SSC5D: variants seen among roughly 807,000 people sequenced by gnomAD.
The protein encoded by SSC5D is soluble scavenger receptor cysteine-rich domain-containing protein SSC5D.
Under a neutral mutation model 104.6 loss-of-function variants are expected in SSC5D, and 106 were observed. The ratio of observed to expected loss-of-function variants is 1.01; its 90% CI spans 0.87 to 1.19. SSC5D has a LOEUF of 1.19. Among genes scored for constraint, SSC5D ranks in the 50% most tolerant of loss-of-function variants. The pLI is 0.00. For missense variants in SSC5D, 1,993 were observed against 2,153.8 expected (o/e 0.93, Z 1.48); for synonymous variants, 860 against 883.5 (o/e 0.97, Z 0.47).
chr19:55,512,257 A>G (rs594394), intron 12 of SSC5D, among the ~76,000 whole-genome samples: 147,228 of 148,196 alleles, frequency 0.99, 73,171 homozygotes, highest in Non-Finnish European at 1. Context: ...CTAGGACTGA[A>G]TTATCATTCT....
intron 12 of SSC5D, chr19:55,504,300 G>T: frequency 6.9e-7 from 1 of 1,445,634 alleles, no homozygotes; most frequent in Non-Finnish European, 9.1e-7. Flanking sequence ...CCAATGAGCA[G>T]AAATAAATGC....
chr19:55,517,433 G>C lies in SSC5D; in HGVS notation c.3157G>C (p.Asp1053His), dbSNP rs376114424. The change falls in exon 14 of 14, where the codon GAC (aspartate) becomes CAC (histidine). Residue 1053 changes from aspartate (D) to histidine (H), a missense_variant. Coordinates refer to ENST00000389623, the MANE Select transcript of SSC5D (RefSeq NM_001144950.2). Reference protein sequence around the residue: ...DAPDTSPPTPDPASRTNPDLI... With the variant: ...DAPDTSPPTPHPASRTNPDLI... The stretch of plus-strand genomic sequence containing the variant: ...TCCGGACACTTCACCACCCACCCCA[G>C]ACCCGGCCTCCCGGACGAACCCCGA... The C allele has an allele frequency of 1.2e-5, 18 of 1,550,886 alleles. No homozygotes were observed. In the African/African-American group the frequency reaches 2.5e-4, roughly 21 times the overall value.
chr19:55,489,525 TC>T lies in SSC5D; in HGVS notation c.225del (p.Phe75LeufsTer73). ...GALAAPGGAF[F>X]GEGAGPVWLS... is the part of the protein sequence containing the mutation. ...CTGGCCGCCCCGGGAGGCGCCTTCT[TC>T]GGGGAGGGGGCAGGGCCTGTGTGGC... is the stretch of plus-strand genomic sequence containing the variant. On this transcript the variant is annotated frameshift_variant, in exon 3 of 14. Transcript: ENST00000389623. LOFTEE classifies it high-confidence loss of function. The T allele has an allele frequency of 6.8e-7, 1 of 1,468,530 alleles. No homozygotes were observed. The highest frequency in any genetic ancestry group is 9.0e-7 in the Non-Finnish European group (1 of 1,116,936). The allele number at this position is 1,468,530 out of a possible 1,614,324, so 91.0% of individuals were successfully genotyped here.
At chr19:55,497,543 G>A (rs935023023) in intron 8 of SSC5D, among the ~76,000 whole-genome samples, 10 of 152,190 alleles carry the variant, frequency 6.6e-5, no homozygotes, top group Admixed American at 6.5e-5. Context: ...GTGCTGCTAT[G>A]AACATTCACA....
chr19:55,507,382 T>C (rs1161545489), intron 12 of SSC5D, among the ~76,000 whole-genome samples: 1 of 148,262 alleles, frequency 6.7e-6, no homozygotes, highest in African/African-American at 2.5e-5. Context: ...AGAGACATTT[T>C]ACGGGCCGGG....
chr19:55,490,746 C>T, intron 5 of SSC5D, 26 bp from the exon 6 acceptor site: 1 of 1,461,478 alleles, frequency 6.8e-7, no homozygotes, highest in Non-Finnish European at 9.0e-7. Flanking sequence ...ACTGGCCACA[C>T]CGTCCCCTCC....
At position 55,493,730 on chromosome 19, in the gene SSC5D, AGCTGGGCTGCGGAGG is replaced by A; in HGVS notation, c.1033_1047del (p.Leu345_Gly349del). 1.3e-6 allele frequency: 2 copies of A among 1,521,392 alleles called. No homozygotes were observed. Among genetic ancestry groups the A allele is most frequent in the Non-Finnish European group, 1.8e-6 (2 of 1,136,924 alleles). 94.2% of individuals were successfully genotyped at this position (1,521,392 alleles called of 1,614,324 possible). On this transcript the variant is annotated inframe_deletion, in exon 7 of 14. Transcript: ENST00000389623. Reference sequence around the variant, plus strand: ...CGAGACGCCGCTGTGGCCTGCCGAGAGCTGGGCTGCGGAGGGGCGCTGGCCGCCCCCGGGGGCGCC... The same window carrying A: ...CGAGACGCCGCTGTGGCCTGCCGAGAGGCGCTGGCCGCCCCCGGGGGCGCC...
At chr19:55,493,959 T>G (rs190182994) in intron 7 of SSC5D, 47 bp downstream of exon 7, 4 of 317,548 alleles carry the variant, frequency 1.3e-5, no homozygotes, top group Non-Finnish European at 1.3e-5. Context: ...TGGTGGTGCT[T>G]GGAGCGGAGG....
In SSC5D at chr19:55,500,777, G is replaced by C; in HGVS notation, c.2590G>C (p.Glu864Gln). 6.4e-7 allele frequency: 1 copy of C among 1,550,796 alleles called. No individual in the cohort carries two copies. Among genetic ancestry groups the C allele is most frequent in the Non-Finnish European group, 8.7e-7 (1 of 1,146,332 alleles). Residue 864 changes from glutamate to glutamine, a missense_variant, in exon 11 of 14, where the codon GAG becomes CAG. Coordinates refer to ENST00000389623, the MANE Select transcript of SSC5D (RefSeq NM_001144950.2). The surrounding 1 kb of genome is among the most constrained non-coding windows in gnomAD (Gnocchi z 4.6). Reference sequence around the variant, plus strand: ...TTGGGGGAAGCACAACTGTGACCACGAGGAAGACGTGGGGCTCACCTGCAC... The same window carrying C: ...TTGGGGGAAGCACAACTGTGACCACCAGGAAGACGTGGGGCTCACCTGCAC... The part of the protein sequence containing the change: ...GAWGKHNCDH[E>Q]EDVGLTCTGY...
Position 55,489,945 on chromosome 19 carries a change from G to A in SSC5D, c.425G>A (p.Gly142Glu), listed in dbSNP as rs1437042236. ...CCCCTGGATGGGGCTCCCTGGCCAG[G>A]GCTGTTGCTGGAGCTGAGCCCCAGC... ...TSPLDGAPWP[G>E]LLLELSPSTE... Residue 142 changes from glycine (G) to glutamate (E), a missense_variant, in exon 4 of 14, where the codon GGG (glycine) becomes GAG (glutamate). Transcript: ENST00000389623. 2 of 1,549,788 alleles carry A rather than the reference G, an allele frequency of 1.3e-6. No individual in the cohort carries two copies. Among genetic ancestry groups the A allele is most frequent in the African/African-American group, 2.7e-5 (2 of 72,840 alleles).
Position 55,500,080 on chromosome 19 carries a change from C to G in SSC5D, c.1970C>G (p.Pro657Arg). The G allele has an allele frequency of 6.4e-7, 1 of 1,551,600 alleles. No individual in the cohort carries two copies. ...PTTKHSRAQS[P>R]PDLTSQTTAA... Reference sequence around the variant, plus strand: ...ACGAAACACTCCAGGGCCCAAAGCCCCCCAGACCTAACCTCACAGACCACT... The same window carrying G: ...ACGAAACACTCCAGGGCCCAAAGCCGCCCAGACCTAACCTCACAGACCACT... The change falls in exon 10 of 14, where the codon CCC becomes CGC. Residue 657 changes from proline to arginine, a missense_variant. Pro to Arg is a moderately radical substitution (Grantham distance 103). Around this residue, in one of 6 missense-constraint regions of SSC5D, gnomAD observed 1,101 missense variants for 1,085.0 expected, o/e 1.01. Transcript: ENST00000389623. This position sits in a 1 kb window ranked among gnomAD's most constrained non-coding sequence, Gnocchi z 4.6.
intron 12 of SSC5D, among the ~76,000 whole-genome samples, chr19:55,511,576 C>T (rs1029130848): frequency 7.2e-5 from 11 of 152,084 alleles, no homozygotes; most frequent in African/African-American, 2.7e-4. Flanking sequence ...CCCATGAATC[C>T]CTGGGCTCAT....
chr19:55,505,484 T>C (rs902847110), intron 12 of SSC5D, among the ~76,000 whole-genome samples: 1 of 151,838 alleles, frequency 6.6e-6, no homozygotes, highest in Admixed American at 6.6e-5. Flanking sequence ...CGCAGACTTA[T>C]TATTTTGCAG....
intron 13 of SSC5D, among the ~76,000 whole-genome samples, chr19:55,515,506 G>A (rs571695709): frequency 7.9e-5 from 12 of 152,084 alleles, no homozygotes; most frequent in African/African-American, 2.7e-4. Context: ...GCCGAAGCGG[G>A]CGGATCACGA....
chr19:55,518,694 G>A lies in SSC5D; in HGVS notation c.4418G>A (p.Cys1473Tyr). The change falls in exon 14 of 14, where the codon TGT becomes TAT. Residue 1473 changes from cysteine (C) to tyrosine (Y), a missense_variant. Transcript: ENST00000389623. The stretch of plus-strand genomic sequence containing the variant: ...CAGAGCCCAGGCCCCCATGGTCCAT[G>A]TGTGGCCCCAACACCACCTGTAAGG... ...PGQSPGPHGP[C>Y]VAPTPPVRVM... 6.5e-7 allele frequency: 1 copy of A among 1,550,282 alleles called. No individual in the cohort carries two copies. The highest frequency in any genetic ancestry group is 8.7e-7 in the Non-Finnish European group (1 of 1,146,730).
intron 4 of SSC5D, 73 bp downstream of exon 4, chr19:55,490,068 G>C: frequency 1.4e-6 from 1 of 730,734 alleles, no homozygotes; most frequent in East Asian, 4.5e-5. Flanking sequence ...GAGAGGGACT[G>C]CCCTGCCAAC....
At chr19:55,499,751 C>T in intron 9 of SSC5D, 65 bp from the exon 10 acceptor site, 2 of 1,287,574 alleles carry the variant, frequency 1.6e-6, no homozygotes, top group Non-Finnish European at 2.2e-6. Flanking sequence ...GAAGGAGGGG[C>T]CTGGGTAGAT....
intron 9 of SSC5D, among the ~76,000 whole-genome samples, chr19:55,498,662 G>A (rs1217821419): frequency 1.2e-4 from 19 of 152,228 alleles, no homozygotes; most frequent in Admixed American, 2.6e-4. Context: ...CAGGTGCAGG[G>A]TCCTCATGCT....
rs74179624 is a variant in SSC5D, at chr19:55,490,106, A to AC, written c.475+113dup. 60 of 527,130 alleles carry AC rather than the reference A, an allele frequency of 1.1e-4. 1 individual carries two copies. The highest frequency in any genetic ancestry group is 1.1e-3 in the Admixed American group (32 of 28,970). 32.7% of individuals were successfully genotyped at this position (527,130 alleles called of 1,614,324 possible). A position where few individuals can be genotyped will look rare whatever the true frequency, so the allele number is the denominator to read the frequency against. ...CCACCCAGCGTGCCCTCCTGCCCCC[A>AC]CCGAGGGGAGAGGGACCTCTGCAGT... On this transcript the variant is annotated intron_variant, in intron 4 of 13. Coordinates refer to ENST00000389623, the MANE Select transcript of SSC5D (RefSeq NM_001144950.2).
Sources: allele counts gnomAD v4.1 joint callset (sites outside exome capture counted in the v4.1 genomes callset), GRCh38; gene constraint gnomAD v4.1.1; regional missense constraint gnomAD v4.1.1; non-coding constraint Gnocchi (gnomAD v3.1); transcripts MANE v1.5; gene names NCBI Gene and HGNC (gene_info 2026-07-23, HGNC 2026-07-21).